The following YWHAE variants were observed in gnomAD, a reference collection of about 807,000 sequenced individuals.
YWHAE encodes 14-3-3 protein epsilon.
In YWHAE, 4 loss-of-function variants were observed where a neutral mutation model predicts 30.1. That is an observed-to-expected ratio of 0.13 (90% confidence interval 0.07 to 0.30). YWHAE has a LOEUF of 0.30. Among genes scored for constraint, YWHAE ranks in the 10% least tolerant of loss-of-function variants. The probability of loss-of-function intolerance (pLI) is 1.00; values close to 1 mark genes in which losing one functional copy is unlikely to be tolerated. For synonymous variants in YWHAE, 118 were observed against 111.8 expected, an observed-to-expected ratio of 1.06 and a Z score of -0.35; for missense variants, 121 against 315.9, an observed-to-expected ratio of 0.38 and a Z score of 4.68.
At chr17:1,345,581 G>T in intron 5 of YWHAE, 82 bp from the exon 6 acceptor site, 2 of 1,412,462 alleles carry the variant, frequency 1.4e-6, no homozygotes, top group Non-Finnish European at 9.9e-7. Flanking sequence ...GTCATTCCAA[G>T]CATAAAGACT....
chr17:1,367,761 A>G (rs1420979670), intron 1 of YWHAE, among the ~76,000 whole-genome samples: 2 of 152,198 alleles, frequency 1.3e-5, no homozygotes, highest in Non-Finnish European at 2.9e-5. Flanking sequence ...TCAGATTAAA[A>G]GGATTTTATC....
At chr17:1,349,682 C>T (rs1264771049) in intron 5 of YWHAE, among the ~76,000 whole-genome samples, 1 of 151,088 alleles carries the variant, frequency 6.6e-6, no homozygotes, top group African/African-American at 2.4e-5. Context: ...GGTGCTATCT[C>T]GGCTCACTGC....
intron 1 of YWHAE, among the ~76,000 whole-genome samples, chr17:1,379,136 T>A (rs188629645): frequency 1.4e-3 from 212 of 152,302 alleles, no homozygotes; most frequent in Non-Finnish European, 2.4e-3. Context: ...CACTTTAAGG[T>A]TGACTATACT....
intron 1 of YWHAE, among the ~76,000 whole-genome samples, chr17:1,365,415 T>C (rs1349126933): frequency 6.6e-6 from 1 of 152,218 alleles, no homozygotes; most frequent in Non-Finnish European, 1.5e-5. Flanking sequence ...ATTAAGAATT[T>C]ACAGGTTCTA....
intron 1 of YWHAE, chr17:1,399,840 T>C (rs1200873293): frequency 3.3e-6 from 2 of 609,104 alleles, no homozygotes; most frequent in Admixed American, 6.0e-5. Context: ...GCGAGTTGTT[T>C]GCAGTTAAGG....
intron 1 of YWHAE, among the ~76,000 whole-genome samples, chr17:1,385,763 T>C (rs2073290831): frequency 6.6e-6 from 1 of 152,140 alleles, no homozygotes; most frequent in Non-Finnish European, 1.5e-5. Flanking sequence ...TTCCATTCTG[T>C]CTTCTTCATA....
chr17:1,400,101 G>T lies in YWHAE; in HGVS notation c.10C>A (p.Arg4=). ...TTCGCCTGGTACACCAGATCCTCTC[G>T]ATCATCCATAGCGGCAGCGGCTCCG... is the stretch of plus-strand genomic sequence containing the variant. The part of the protein sequence containing the change: MDD[R]EDLVYQAKLA... Residue 4 remains arginine, a synonymous_variant, in exon 1 of 6, where the codon CGA becomes AGA. Coordinates refer to ENST00000264335, the MANE Select transcript of YWHAE (RefSeq NM_006761.5). The T allele has an allele frequency of 6.2e-7, 1 of 1,613,834 alleles. No homozygotes were observed. Among genetic ancestry groups the T allele is most frequent in the Non-Finnish European group, 8.5e-7 (1 of 1,179,986 alleles).
At position 1,359,812 on chromosome 17, in the gene YWHAE, T is replaced by TTTG. The variant is rs1246096572; in HGVS notation, c.578+1279_578+1280insCAA. 4.2e-3 allele frequency among the ~76,000 whole-genome samples: 553 copies of TTTG among 130,708 alleles called. 6 individuals carry two copies. The highest frequency in any genetic ancestry group is 9.0e-3 in the East Asian group (38 of 4,206). The allele number at this position is 130,708 out of a possible 152,430, so 85.7% of individuals were successfully genotyped here. A position where few individuals can be genotyped will look rare whatever the true frequency, so the allele number is the denominator to read the frequency against. Reference sequence around the variant, plus strand: ...CAATGTATTCGGTGCCACTAAATTGTTGTGTGTGTGTGTGTGTGTGTGTGT... The same window carrying TTTG: ...CAATGTATTCGGTGCCACTAAATTGTTTGTGTGTGTGTGTGTGTGTGTGTGTGT... On this transcript the variant is annotated intron_variant, in intron 4 of 5. Coordinates refer to ENST00000264335, the MANE Select transcript of YWHAE (RefSeq NM_006761.5).
intron 1 of YWHAE, among the ~76,000 whole-genome samples, chr17:1,375,562 A>C (rs888854458): frequency 3.6e-4 from 55 of 152,204 alleles, no homozygotes; most frequent in African/African-American, 1.3e-3. Flanking sequence ...AGTAATTTTG[A>C]GTAACAAAAT....
At chr17:1,352,316 C>T (rs1202903940) in intron 5 of YWHAE, 1 of 152,106 alleles carries the variant, frequency 6.6e-6, no homozygotes, top group Non-Finnish European at 1.5e-5. Flanking sequence ...AGCTGAGTCA[C>T]CTAATTCTCA....
chr17:1,360,513 G>A lies in YWHAE; in HGVS notation c.578+579C>T, dbSNP rs1032555865. Among the ~76,000 whole-genome samples the A allele has an allele frequency of 7.9e-5, 12 of 152,242 alleles. 1 individual carries two copies. In the East Asian group the frequency reaches 2.3e-3, roughly 29 times the overall value. ...GTGGTGACTCATGCTTGTAATCTCAGCACTTTGGGAGGCGAAGGCGGGCGG... is the reference window on the plus strand; with the variant it reads ...GTGGTGACTCATGCTTGTAATCTCAACACTTTGGGAGGCGAAGGCGGGCGG... On this transcript the variant is annotated intron_variant, in intron 4 of 5. Coordinates refer to ENST00000264335, the MANE Select transcript of YWHAE (RefSeq NM_006761.5).
intron 1 of YWHAE, among the ~76,000 whole-genome samples, chr17:1,380,671 G>C (rs2150867764): frequency 6.6e-6 from 1 of 152,264 alleles, no homozygotes; most frequent in East Asian, 1.9e-4. Context: ...CCTGATGTAG[G>C]AAAGAGCTAA....
At chr17:1,362,304 A>G (rs1598240158) in intron 2 of YWHAE, among the ~76,000 whole-genome samples, 1 of 152,130 alleles carries the variant, frequency 6.6e-6, no homozygotes, top group South Asian at 2.1e-4. Context: ...AGAATTACCA[A>G]TGACTAAAAC....
chr17:1,392,112 G>T (rs1474756770), intron 1 of YWHAE, among the ~76,000 whole-genome samples: 2 of 152,034 alleles, frequency 1.3e-5, no homozygotes, highest in Admixed American at 1.3e-4. Flanking sequence ...AGGTGCCCAG[G>T]GGGTCAAAGC....
intron 1 of YWHAE, among the ~76,000 whole-genome samples, chr17:1,370,402 A>G (rs1013315386): frequency 1.1e-4 from 17 of 151,614 alleles, no homozygotes; most frequent in African/African-American, 4.1e-4. Context: ...AAGTGCTGGG[A>G]TTACAGGCGT....
chr17:1,385,241 C>T (rs1243212937), intron 1 of YWHAE, among the ~76,000 whole-genome samples: 1 of 151,540 alleles, frequency 6.6e-6, no homozygotes, highest in African/African-American at 2.4e-5. Flanking sequence ...AAATCTGCAG[C>T]AATAAGATAA....
chr17:1,355,121 A>ACC (rs2072715007), intron 4 of YWHAE, among the ~76,000 whole-genome samples: 2 of 30,138 alleles, frequency 6.6e-5, no homozygotes, highest in African/African-American at 1.2e-4. Flanking sequence ...TTTTTTAAAA[A>ACC]AAAAAAAAAA....
intron 1 of YWHAE, among the ~76,000 whole-genome samples, chr17:1,384,395 A>G (rs1219276379): frequency 6.6e-6 from 1 of 151,598 alleles, no homozygotes; most frequent in Non-Finnish European, 1.5e-5. Context: ...TACACATGTA[A>G]AAAGATTTAT....
chr17:1,370,336 T>C (rs1000789434), intron 1 of YWHAE, among the ~76,000 whole-genome samples: 24 of 151,886 alleles, frequency 1.6e-4, no homozygotes, highest in African/African-American at 5.8e-4. Flanking sequence ...TTTCACCATG[T>C]TAGCCAGGAC....
Sources: gnomAD v4.1 joint callset for allele counts (sites outside exome capture counted in the v4.1 genomes callset) on GRCh38, gnomAD v4.1.1 for gene constraint, MANE v1.5 for transcripts, NCBI Gene and HGNC (gene_info 2026-07-23, HGNC 2026-07-21) for gene names.